SORCS3: variants seen among roughly 807,000 people sequenced by gnomAD.
SORCS3 encodes the protein VPS10 domain-containing receptor SorCS3.
Under a neutral mutation model 146.3 loss-of-function variants are expected in SORCS3, and 57 were observed. That is an observed-to-expected ratio of 0.39 (90% confidence interval 0.31 to 0.49). The LOEUF is 0.49. Among genes scored for constraint, SORCS3 ranks in the 20% least tolerant of loss-of-function variants. SORCS3 has a pLI of 0.92. For synonymous variants in SORCS3, 653 were observed against 618.5 expected, an observed-to-expected ratio of 1.06 and a Z score of -0.83; for missense variants, 1,341 against 1,575.5, an observed-to-expected ratio of 0.85 and a Z score of 2.52.
At chr10:104,801,420 G>A (rs1236644440) in intron 1 of SORCS3, among the ~76,000 whole-genome samples, 2 of 152,206 alleles carry the variant, frequency 1.3e-5, no homozygotes, top group Non-Finnish European at 2.9e-5. Context: ...CTTGTAAAAT[G>A]GGAGTAAGAA....
At chr10:104,725,321 G>A (rs956794058) in intron 1 of SORCS3, among the ~76,000 whole-genome samples, 4 of 152,210 alleles carry the variant, frequency 2.6e-5, no homozygotes, top group African/African-American at 9.7e-5. Context: ...GTTGCTGCCT[G>A]ATCATTCCTG....
intron 2 of SORCS3, among the ~76,000 whole-genome samples, chr10:104,868,125 G>A (rs1311965717): frequency 6.6e-6 from 1 of 152,134 alleles, no homozygotes; most frequent in Non-Finnish European, 1.5e-5. Context: ...AGCCCAGGTG[G>A]TTACATTTCC....
At chr10:105,262,150 C>T (rs1160485511) in intron 25 of SORCS3, among the ~76,000 whole-genome samples, 181 bp from the exon 26 acceptor site, 4 of 152,102 alleles carry the variant, frequency 2.6e-5, no homozygotes, top group African/African-American at 4.8e-5. Flanking sequence ...ATCTGGGTTC[C>T]TAGCTGGCTT....
intron 5 of SORCS3, among the ~76,000 whole-genome samples, chr10:105,061,086 G>T (rs2055483118): frequency 6.6e-6 from 1 of 152,058 alleles, no homozygotes; most frequent in African/African-American, 2.4e-5. Flanking sequence ...ACAAGTTATG[G>T]TGGCCACCAA....
At chr10:104,657,698 C>G (rs1320139841) in intron 1 of SORCS3, among the ~76,000 whole-genome samples, 3 of 152,006 alleles carry the variant, frequency 2.0e-5, no homozygotes, top group Non-Finnish European at 4.4e-5. Flanking sequence ...TCCTCAGTTC[C>G]CTCAATAGGG....
At chr10:104,944,467 A>G (rs1012610859) in intron 3 of SORCS3, among the ~76,000 whole-genome samples, 12 of 152,208 alleles carry the variant, frequency 7.9e-5, no homozygotes, top group African/African-American at 2.9e-4. Flanking sequence ...TGTATCTGGC[A>G]GAGTACTCAT....
At chr10:105,243,569 CAGA>C (rs554135679) in intron 20 of SORCS3, among the ~76,000 whole-genome samples, 179 of 152,264 alleles carry the variant, frequency 1.2e-3, no homozygotes, top group African/African-American at 4.2e-3. Context: ...TCGATTAATT[CAGA>C]AGGTCACACC....
At chr10:104,902,911 G>A (rs1479891408) in intron 2 of SORCS3, among the ~76,000 whole-genome samples, 1 of 152,170 alleles carries the variant, frequency 6.6e-6, no homozygotes, top group Non-Finnish European at 1.5e-5. Flanking sequence ...TTGACTCCAA[G>A]CATTCTCCTT....
chr10:105,138,315 A>G (rs2056072465), intron 7 of SORCS3, among the ~76,000 whole-genome samples: 1 of 152,082 alleles, frequency 6.6e-6, no homozygotes, highest in Admixed American at 6.5e-5. Flanking sequence ...GGGAGATGTC[A>G]TCTCCCTCCC....
At chr10:104,964,453 A>G (rs1479199193) in intron 3 of SORCS3, among the ~76,000 whole-genome samples, 2 of 152,140 alleles carry the variant, frequency 1.3e-5, no homozygotes, top group Admixed American at 6.6e-5. Context: ...GATATGCCAC[A>G]TGTTTTACTT....
At chr10:105,157,811 T>C (rs1342419346) in intron 10 of SORCS3, among the ~76,000 whole-genome samples, 3 of 152,138 alleles carry the variant, frequency 2.0e-5, no homozygotes, top group Admixed American at 2.0e-4. Flanking sequence ...TGGCTCCAGG[T>C]GCTTCTGCTC....
Position 105,034,180 on chromosome 10 carries a change from G to C in SORCS3, c.955-8875G>C, listed in dbSNP as rs547607068. Among the ~76,000 whole-genome samples the C allele has an allele frequency of 2.7e-3, 410 of 152,270 alleles. 3 individuals carry two copies. The highest frequency in any genetic ancestry group is 9.2e-3 in the African/African-American group (383 of 41,568). Reference sequence around the variant, plus strand: ...AGCAGATGACAGTGGACCTGGTGCTGTCTGGGGTGGGAAGTGACCAAAGAG... The same window carrying C: ...AGCAGATGACAGTGGACCTGGTGCTCTCTGGGGTGGGAAGTGACCAAAGAG... On this transcript the variant is annotated intron_variant, in intron 4 of 26. Transcript: ENST00000369701.
chr10:104,947,608 T>G (rs1285772097), intron 3 of SORCS3, among the ~76,000 whole-genome samples: 3 of 152,010 alleles, frequency 2.0e-5, no homozygotes, highest in African/African-American at 7.3e-5. Flanking sequence ...GGATGTTGTA[T>G]TTTTTGTTTG....
intron 16 of SORCS3, among the ~76,000 whole-genome samples, chr10:105,202,358 C>T (rs2056579271): frequency 6.6e-6 from 1 of 152,116 alleles, no homozygotes; most frequent in Non-Finnish European, 1.5e-5. Context: ...CCACCTCCTG[C>T]ACCTTTATTA....
chr10:105,217,055 C>T lies in SORCS3; in HGVS notation c.2667C>T (p.Phe889=). 6.2e-7 allele frequency: 1 copy of T among 1,614,168 alleles called. No individual in the cohort carries two copies. Among genetic ancestry groups the T allele is most frequent in the Non-Finnish European group, 8.5e-7 (1 of 1,180,028 alleles). The change falls in exon 19 of 27, where the codon TTC becomes TTT. Residue 889 remains phenylalanine, a synonymous_variant. Transcript: ENST00000369701. The stretch of plus-strand genomic sequence containing the variant: ...ACGTGTATAAGAGTGCGGGGATCTT[C>T]CAGGTGACAGCCTATGCAGAGAACA... ...IKHVYKSAGI[F]QVTAYAENNL... is the part of the protein sequence containing the mutation.
chr10:104,995,164 C>CTT lies in SORCS3; in HGVS notation c.954+17683_954+17684dup, dbSNP rs34446072. Among the ~76,000 whole-genome samples, 1,038 of 137,318 alleles carry CTT rather than the reference C, an allele frequency of 7.6e-3. 8 individuals are homozygous for CTT. Among genetic ancestry groups the CTT allele is most frequent in the African/African-American group, 0.012 (427 of 36,750 alleles). 90.1% of individuals were successfully genotyped at this position (137,318 alleles called of 152,430 possible). On this transcript the variant is annotated intron_variant, in intron 4 of 26. Transcript: ENST00000369701. ...TCTTTTCTTTTCTTTCTTTCTTTCT[C>CTT]TTTTTTTTTTTTTGGGATGGAGTCT...
chr10:105,126,885 G>T (rs957543800), intron 7 of SORCS3, among the ~76,000 whole-genome samples: 3 of 152,122 alleles, frequency 2.0e-5, no homozygotes, highest in Non-Finnish European at 4.4e-5. Context: ...TCTTCACTGT[G>T]CTGAGTACCA....
chr10:104,642,268 T>C (rs1398823814), intron 1 of SORCS3, among the ~76,000 whole-genome samples: 1 of 151,872 alleles, frequency 6.6e-6, no homozygotes, highest in Non-Finnish European at 1.5e-5. Context: ...GCTTGGAGGG[T>C]CAGTTTTCCT....
intron 16 of SORCS3, among the ~76,000 whole-genome samples, chr10:105,208,715 G>A (rs943019904): frequency 6.6e-6 from 1 of 151,674 alleles, no homozygotes; most frequent in African/African-American, 2.4e-5. Flanking sequence ...TATAATTTAT[G>A]TAATTGAAAT....
Sources: allele counts gnomAD v4.1 joint callset (sites outside exome capture counted in the v4.1 genomes callset), GRCh38; gene constraint gnomAD v4.1.1; transcripts MANE v1.5; gene names NCBI Gene and HGNC (gene_info 2026-07-23, HGNC 2026-07-21).